Variants in SMG9 observed in about 807,000 individuals in gnomAD.
SMG9 encodes the protein nonsense-mediated mRNA decay factor SMG9.
A neutral mutation model predicts 64.0 loss-of-function variants in SMG9; 55 were observed. The ratio of observed to expected loss-of-function variants is 0.86; its 90% CI spans 0.69 to 1.08. SMG9 has a LOEUF of 1.08. Among genes scored for constraint, SMG9 ranks in the 50% least tolerant of loss-of-function variants. The pLI, the probability that SMG9 is intolerant of heterozygous loss-of-function variation, is 0.00. For synonymous variants in SMG9, 244 were observed against 254.8 expected, an observed-to-expected ratio of 0.96 and a Z score of 0.41; for missense variants, 554 against 681.3, an observed-to-expected ratio of 0.81 and a Z score of 2.08.
At chr19:43,742,618 T>C (rs1321806522) in intron 6 of SMG9, among the ~76,000 whole-genome samples, 7 of 152,132 alleles carry the variant, frequency 4.6e-5, no homozygotes, top group Non-Finnish European at 8.8e-5. Flanking sequence ...TACCACTGTA[T>C]CCCCAGCACC....
In SMG9 at chr19:43,731,580, A is replaced by AT. The variant is rs1257143387; in HGVS notation, c.*15dup. ...GGACCCAGGAGGTCCCCTGCATGAC[A>AT]TTCCTCTCCTTGGCCTCAGGCCAGC... is the stretch of plus-strand genomic sequence containing the variant. On this transcript the variant is annotated 3_prime_UTR_variant, in exon 14 of 14. Transcript: ENST00000270066. 1.2e-6 allele frequency: 2 copies of AT among 1,614,102 alleles called. No individual in the cohort carries two copies. The highest frequency in any genetic ancestry group is 1.7e-5 in the Admixed American group (1 of 60,028).
At chr19:43,735,169 T>A (rs1968616340) in intron 9 of SMG9, among the ~76,000 whole-genome samples, 1 of 152,248 alleles carries the variant, frequency 6.6e-6, no homozygotes, top group Non-Finnish European at 1.5e-5. Context: ...CATCTAATGA[T>A]CCTCTATGTC....
intron 2 of SMG9, chr19:43,748,631 C>G: frequency 1.9e-6 from 1 of 519,634 alleles, no homozygotes; most frequent in Non-Finnish European, 3.9e-6. Context: ...TCTGGCAAAG[C>G]TGGCAGGCTG....
chr19:43,739,847 C>T (rs758280657), intron 7 of SMG9: 49 of 488,992 alleles, frequency 1.0e-4, no homozygotes, highest in Non-Finnish European at 1.5e-4. Flanking sequence ...GATCAGAACA[C>T]ACATTCTCCA....
chr19:43,750,766 G>T lies in SMG9; in HGVS notation c.-6-19C>A, dbSNP rs1426054855. ...TGGTTACCTATGGAGGGAATGAGGG[G>T]ATTTCAGGATGACAGAGTCTCTTCC... On this transcript the variant is annotated intron_variant, in intron 1 of 13. Transcript: ENST00000270066. 1 of 1,591,034 alleles carries T rather than the reference G, an allele frequency of 6.3e-7. No individual in the cohort carries two copies. The highest frequency in any genetic ancestry group is 1.1e-5 in the South Asian group (1 of 88,882).
At chr19:43,738,061 C>A in intron 8 of SMG9, 61 bp downstream of exon 8, 3 of 1,499,814 alleles carry the variant, frequency 2.0e-6, no homozygotes, top group Non-Finnish European at 2.8e-6. Flanking sequence ...CTCTCCAGAT[C>A]TTGGGAGGAT....
intron 9 of SMG9, among the ~76,000 whole-genome samples, chr19:43,735,568 T>C (rs983778124): frequency 5.6e-5 from 8 of 143,608 alleles, no homozygotes; most frequent in African/African-American, 1.9e-4. Flanking sequence ...TGAGCCGAGA[T>C]TGTGCCACTG....
intron 8 of SMG9, 60 bp downstream of exon 8, chr19:43,738,062 T>C (rs759104333): frequency 4.0e-6 from 6 of 1,501,398 alleles, no homozygotes; most frequent in Non-Finnish European, 5.6e-6. Context: ...TCTCCAGATC[T>C]TGGGAGGATG....
intron 11 of SMG9, 60 bp from the exon 12 acceptor site, chr19:43,733,512 T>G: frequency 1.2e-6 from 2 of 1,611,712 alleles, no homozygotes; most frequent in Non-Finnish European, 8.5e-7. Context: ...GAGTGGGAAT[T>G]GTTGACAGTC....
chr19:43,731,539 C>T lies in SMG9; in HGVS notation c.*57G>A. 1 of 1,609,874 alleles carries T rather than the reference C, an allele frequency of 6.2e-7. No individual in the cohort carries two copies. ...CAGCGGGGGATGGACATCTGTGCTC[C>T]CTCGCAGTACACTGCGGACCCAGGA... On this transcript the variant is annotated 3_prime_UTR_variant, in exon 14 of 14. Transcript: ENST00000270066.
chr19:43,733,025 G>T, intron 12 of SMG9, 23 bp from the exon 13 acceptor site: 1 of 1,592,916 alleles, frequency 6.3e-7, no homozygotes, highest in Non-Finnish European at 8.5e-7. Flanking sequence ...GGCAGGGAGG[G>T]TAAGAGGGAT....
At chr19:43,746,589 G>A (rs346533) in intron 5 of SMG9, among the ~76,000 whole-genome samples, 2,994 of 152,236 alleles carry the variant, frequency 0.02, 96 homozygotes, top group African/African-American at 0.069. Context: ...ATAAGTCCAG[G>A]CTGCTGGGTA....
intron 1 of SMG9, chr19:43,754,289 A>G (rs1330672203): frequency 6.6e-6 from 1 of 152,032 alleles, no homozygotes. Context: ...ACTTCTCTCT[A>G]CGGGGTTCTA....
chr19:43,733,320 G>A lies in SMG9; in HGVS notation c.1339+4C>T. 2.5e-6 allele frequency: 4 copies of A among 1,613,902 alleles called. No homozygotes were observed. Among genetic ancestry groups the A allele is most frequent in the South Asian group, 1.1e-5 (1 of 91,060 alleles). ...CTCCATGAACCTGTTGAGGGTAACTGTACCTGCTCTTGGTGGGTTTTCACT... is the reference window on the plus strand; with the variant it reads ...CTCCATGAACCTGTTGAGGGTAACTATACCTGCTCTTGGTGGGTTTTCACT... On this transcript the variant is annotated splice_donor_region_variant and intron_variant, in intron 12 of 13. Transcript: ENST00000270066.
At position 43,744,714 on chromosome 19, in the gene SMG9, G is replaced by A. The variant is rs1968946267; in HGVS notation, c.701+58C>T. On this transcript the variant is annotated intron_variant, in intron 6 of 13. Transcript: ENST00000270066. ...CACTTGAAACACCCAAGCCCACCTT[G>A]CCCCTGCTCCCAGTGGGTGCCCACC... 8 of 1,315,556 alleles carry A rather than the reference G, an allele frequency of 6.1e-6. No individual in the cohort carries two copies. In the East Asian group the frequency reaches 1.4e-4, roughly 24 times the overall value. 81.5% of individuals were successfully genotyped at this position (1,315,556 alleles called of 1,614,324 possible).
At chr19:43,734,201 G>A (rs1968576485) in intron 10 of SMG9, 188 bp downstream of exon 10, 2 of 591,058 alleles carry the variant, frequency 3.4e-6, no homozygotes, top group East Asian at 5.6e-5. Flanking sequence ...TGTCAGGATT[G>A]GACCAGGGCA....
chr19:43,734,281 C>G (rs2146361826), intron 10 of SMG9, 108 bp downstream of exon 10: 1 of 889,450 alleles, frequency 1.1e-6, no homozygotes, highest in East Asian at 2.7e-5. Flanking sequence ...GTGCTCCACC[C>G]AGAACCCCAC....
intron 6 of SMG9, among the ~76,000 whole-genome samples, chr19:43,742,421 G>A (rs540715094): frequency 1.3e-5 from 2 of 152,310 alleles, no homozygotes; most frequent in African/African-American, 4.8e-5. Context: ...GGGTGACAGA[G>A]CAAGACCCTC....
At chr19:43,733,181 AG>A in intron 12 of SMG9, 142 bp downstream of exon 12, 1 of 1,365,620 alleles carries the variant, frequency 7.3e-7, no homozygotes, top group Non-Finnish European at 1.0e-6. Context: ...GGAACAAACC[AG>A]GATCTTCTCT....
Sources: allele counts gnomAD v4.1 joint callset (sites outside exome capture counted in the v4.1 genomes callset), GRCh38; gene constraint gnomAD v4.1.1; transcripts MANE v1.5; gene names NCBI Gene and HGNC (gene_info 2026-07-23, HGNC 2026-07-21).